The following DIP2A variants were observed in gnomAD, a reference collection of about 807,000 sequenced individuals.
DIP2A encodes DIP2 acetate--CoA ligase A, also known as disco-interacting protein 2 homolog A.
A neutral mutation model predicts 177.4 loss-of-function variants in DIP2A; 85 were observed. The observed-to-expected ratio is 0.48, with a 90% CI of 0.40 to 0.57. The LOEUF (loss-of-function observed/expected upper bound fraction) is 0.57, where lower values mean the gene tolerates loss of function less well. DIP2A is among the 20% of genes least tolerant of loss of function. The probability of loss-of-function intolerance (pLI) is 0.00; values close to 1 mark genes in which losing one functional copy is unlikely to be tolerated. For missense variants in DIP2A, 1,791 were observed against 2,100.2 expected (o/e 0.85, Z 2.88); for synonymous variants, 886 against 881.8 (o/e 1.00, Z -0.08).
chr21:46,545,394 C>T (rs1453291808), intron 19 of DIP2A, 121 bp downstream of exon 19: 23 of 1,227,890 alleles, frequency 1.9e-5, no homozygotes, highest in Admixed American at 1.2e-4. Context: ...TCCACACAGG[C>T]GCTGCTGGGG....
chr21:46,495,769 G>T (rs796926519), intron 3 of DIP2A, among the ~76,000 whole-genome samples: 12 of 152,144 alleles, frequency 7.9e-5, no homozygotes, highest in African/African-American at 2.9e-4. Flanking sequence ...CACTGCACCT[G>T]CCTAATTAAA....
intron 1 of DIP2A, among the ~76,000 whole-genome samples, chr21:46,463,802 G>T (rs556323979): frequency 6.6e-6 from 1 of 151,478 alleles, no homozygotes; most frequent in Non-Finnish European, 1.5e-5. Context: ...TCCACCTCCC[G>T]GGTTCAAGCA....
intron 3 of DIP2A, among the ~76,000 whole-genome samples, chr21:46,495,257 TCTCTCTCTC>T: frequency 7.1e-6 from 1 of 140,538 alleles, no homozygotes; most frequent in African/African-American, 2.7e-5. Context: ...TCTCTCTCTC[TCTCTCTCTC>T]TCTCTCTCTC....
chr21:46,514,629 TTTTTTTTTTTTG>T (rs1291976292), intron 8 of DIP2A, among the ~76,000 whole-genome samples: 5 of 140,154 alleles, frequency 3.6e-5, no homozygotes, highest in East Asian at 4.1e-4. Flanking sequence ...TTTTTTTTTT[TTTTTTTTTTTTG>T]GTTTTTTTTT....
rs1314954667 is a variant in DIP2A, at chr21:46,551,622, C to A, written c.2840-12C>A. On this transcript the variant is annotated splice_polypyrimidine_tract_variant and intron_variant, in intron 23 of 37. Transcript: ENST00000417564. ...GTCACCAGCTTTTCATTCAGAGTTCCCCCGTTTCTAGAGGTTGGACCAGCC... is the reference window on the plus strand; with the variant it reads ...GTCACCAGCTTTTCATTCAGAGTTCACCCGTTTCTAGAGGTTGGACCAGCC... 6.2e-7 allele frequency: 1 copy of A among 1,611,240 alleles called. No homozygotes were observed. The highest frequency in any genetic ancestry group is 2.2e-5 in the East Asian group (1 of 44,846).
intron 7 of DIP2A, among the ~76,000 whole-genome samples, chr21:46,510,854 C>T (rs2058275506): frequency 1.3e-5 from 2 of 152,140 alleles, no homozygotes; most frequent in East Asian, 1.9e-4. Flanking sequence ...AGGATGGTCT[C>T]GATCTCCTGA....
At chr21:46,579,852 G>A in the DIP2A span, among the ~76,000 whole-genome samples, 1 of 152,162 alleles carries the variant, frequency 6.6e-6, no homozygotes, top group African/African-American at 2.4e-5. Context: ...ATTTGCTGAG[G>A]AGGGTTTTAC....
At chr21:46,475,096 C>G (rs2055729285) in intron 1 of DIP2A, among the ~76,000 whole-genome samples, 4 of 152,028 alleles carry the variant, frequency 2.6e-5, no homozygotes, top group African/African-American at 9.7e-5. Context: ...AACACTCTTC[C>G]TAACTGTTCA....
intron 8 of DIP2A, among the ~76,000 whole-genome samples, chr21:46,523,076 C>T (rs999779524): frequency 3.3e-5 from 5 of 151,822 alleles, no homozygotes; most frequent in African/African-American, 1.2e-4. Flanking sequence ...CAGGCATGTG[C>T]CACCATGCCC....
Position 46,563,251 on chromosome 21 carries a change from C to T in DIP2A, c.4090-607C>T, listed in dbSNP as rs2148915164. Among the ~76,000 whole-genome samples, 1 of 152,314 alleles carries T rather than the reference C, an allele frequency of 6.6e-6. No individual in the cohort carries two copies. Among genetic ancestry groups the T allele is most frequent in the Non-Finnish European group, 1.5e-5 (1 of 68,032 alleles). Reference sequence around the variant, plus strand: ...CTGCCCTGAGCCTGCAGTGTCATTGCCCCCATTTCATACGTGAGGAAACTG... The same window carrying T: ...CTGCCCTGAGCCTGCAGTGTCATTGTCCCCATTTCATACGTGAGGAAACTG... On this transcript the variant is annotated intron_variant, in intron 34 of 37. Transcript: ENST00000417564. The surrounding 1 kb of genome is among the most constrained non-coding windows in gnomAD (Gnocchi z 4.3).
chr21:46,485,236 T>TTGTGTG (rs3060302), intron 2 of DIP2A, among the ~76,000 whole-genome samples: 2 of 149,176 alleles, frequency 1.3e-5, no homozygotes, highest in Admixed American at 6.6e-5. Context: ...TCAATAGGTT[T>TTGTGTG]TGTGTGTGTG....
chr21:46,512,598 G>A (rs1179616741), intron 8 of DIP2A, among the ~76,000 whole-genome samples: 1 of 151,642 alleles, frequency 6.6e-6, no homozygotes, highest in Non-Finnish European at 1.5e-5. Context: ...TCAAATATTT[G>A]GCTCATTTCT....
chr21:46,572,845 A>G (rs1175353420), downstream of DIP2A, among the ~76,000 whole-genome samples: 6 of 152,184 alleles, frequency 3.9e-5, no homozygotes, highest in East Asian at 9.6e-4. Flanking sequence ...TATTTTTACT[A>G]CCTTTTCTAA....
At chr21:46,510,653 CAG>C (rs1163105093) in intron 7 of DIP2A, among the ~76,000 whole-genome samples, 8 of 125,190 alleles carry the variant, frequency 6.4e-5, no homozygotes, top group African/African-American at 1.5e-4. Context: ...TTTTTTGAGG[CAG>C]AGTCTCACTC....
At chr21:46,492,452 G>A (rs1716289610) in intron 3 of DIP2A, among the ~76,000 whole-genome samples, 1 of 152,142 alleles carries the variant, frequency 6.6e-6, no homozygotes. Context: ...TCTTATCTGT[G>A]TTCTGTTGTA....
chr21:46,478,039 G>T (rs932684467), intron 1 of DIP2A, among the ~76,000 whole-genome samples: 1 of 152,118 alleles, frequency 6.6e-6, no homozygotes, highest in African/African-American at 2.4e-5. Context: ...GATTTCTGCT[G>T]TGTTGTTCTA....
downstream of DIP2A, among the ~76,000 whole-genome samples, chr21:46,573,645 C>CAAAAAAAAAAAAAAAAAAAAAAA (rs201994694): frequency 5.5e-4 from 29 of 52,974 alleles, 2 homozygotes; most frequent in Non-Finnish European, 8.2e-4. Context: ...CCCTCTCTCA[C>CAAAAAAAAAAAAAAAAAAAAAAA]AAAAAAAAAA....
At chr21:46,531,839 T>G (rs2059369697) in intron 9 of DIP2A, among the ~76,000 whole-genome samples, 1 of 152,262 alleles carries the variant, frequency 6.6e-6, no homozygotes, top group Non-Finnish European at 1.5e-5. Context: ...ACAAACAAAC[T>G]TGTTAGAAAC....
At chr21:46,560,150 G>A (rs1484451047) in intron 32 of DIP2A, among the ~76,000 whole-genome samples, 4 of 152,230 alleles carry the variant, frequency 2.6e-5, no homozygotes, top group African/African-American at 4.8e-5. Flanking sequence ...TGTTGTCTGG[G>A]ATCTTTAAGG....
Sources: gnomAD v4.1 joint callset for allele counts (sites outside exome capture counted in the v4.1 genomes callset) on GRCh38, gnomAD v4.1.1 for gene constraint, Gnocchi (gnomAD v3.1) non-coding constraint, MANE v1.5 for transcripts, NCBI Gene and HGNC (gene_info 2026-07-23, HGNC 2026-07-21) for gene names.